The following ARHGAP42 variants were observed in gnomAD, a reference collection of about 807,000 sequenced individuals.
ARHGAP42 encodes the protein rho GTPase-activating protein 42.
A neutral mutation model predicts 125.0 loss-of-function variants in ARHGAP42; 63 were observed. The ratio of observed to expected loss-of-function variants is 0.50; its 90% CI spans 0.41 to 0.62. The LOEUF is 0.62. Ranked by LOEUF, ARHGAP42 falls within the 20% of genes least tolerant of loss-of-function variation. The pLI is 0.00. For synonymous variants in ARHGAP42, 339 were observed against 351.0 expected (o/e 0.97, Z 0.38); for missense variants, 766 against 1,024.2 (o/e 0.75, Z 3.44).
At chr11:100,833,733 C>A (rs111977925) in intron 3 of ARHGAP42, among the ~76,000 whole-genome samples, 1,853 of 152,206 alleles carry the variant, frequency 0.012, 18 homozygotes, top group Non-Finnish European at 0.019. Context: ...GTATTGCTTT[C>A]TTTGACCTAG....
intron 1 of ARHGAP42, among the ~76,000 whole-genome samples, chr11:100,725,252 C>G (rs1444904172): frequency 2.6e-5 from 4 of 151,566 alleles, no homozygotes; most frequent in African/African-American, 9.7e-5. Context: ...CTCACTGCAA[C>G]CTCTGCCTCC....
Position 100,992,790 on chromosome 11 carries a change from A to G in ARHGAP42, c.*3989A>G. On this transcript the variant is annotated 3_prime_UTR_variant, in exon 24 of 24. Coordinates refer to ENST00000298815, the MANE Select transcript of ARHGAP42 (RefSeq NM_152432.4). ...TGTTTTAAATAAAGAATCTTACATA[A>G]GAATGTTGACAACATTCACAGTAAG... The G allele has an allele frequency of 7.1e-7, 1 of 1,408,380 alleles. No individual in the cohort carries two copies. The highest frequency in any genetic ancestry group is 9.6e-7 in the Non-Finnish European group (1 of 1,038,668). 87.2% of individuals were successfully genotyped at this position (1,408,380 alleles called of 1,614,324 possible).
chr11:100,821,127 G>A (rs1337678368), intron 3 of ARHGAP42, among the ~76,000 whole-genome samples: 2 of 152,068 alleles, frequency 1.3e-5, no homozygotes, highest in Non-Finnish European at 2.9e-5. Context: ...TGGCCTGGTT[G>A]AATTGTGATG....
intron 1 of ARHGAP42, among the ~76,000 whole-genome samples, chr11:100,736,436 C>G (rs749366765): frequency 2.6e-5 from 4 of 152,142 alleles, no homozygotes; most frequent in Non-Finnish European, 4.4e-5. Context: ...TCTTGGGGCT[C>G]TGGGCACACA....
At chr11:100,972,589 C>G (rs1227595389) in intron 17 of ARHGAP42, among the ~76,000 whole-genome samples, 3 of 152,104 alleles carry the variant, frequency 2.0e-5, no homozygotes, top group Admixed American at 6.6e-5. Context: ...GGCCAATGAT[C>G]TATCCCAGGA....
At chr11:100,938,233 T>C (rs577843127) in intron 8 of ARHGAP42, among the ~76,000 whole-genome samples, 2 of 152,212 alleles carry the variant, frequency 1.3e-5, no homozygotes, top group South Asian at 4.2e-4. Flanking sequence ...TTCGCCCAGG[T>C]GAGACCCTTG....
At chr11:100,823,221 A>C (rs1864442845) in intron 3 of ARHGAP42, among the ~76,000 whole-genome samples, 1 of 152,182 alleles carries the variant, frequency 6.6e-6, no homozygotes, top group African/African-American at 2.4e-5. Context: ...AGAAGAAAGA[A>C]CTGGGAATCA....
At chr11:100,980,250 C>T (rs1412877490) in intron 22 of ARHGAP42, among the ~76,000 whole-genome samples, 1 of 152,014 alleles carries the variant, frequency 6.6e-6, no homozygotes, top group Non-Finnish European at 1.5e-5. Flanking sequence ...AAAACTAAGC[C>T]CCATGCATGT....
At chr11:100,868,768 T>C (rs555440686) in intron 4 of ARHGAP42, among the ~76,000 whole-genome samples, 9 of 152,248 alleles carry the variant, frequency 5.9e-5, no homozygotes, top group African/African-American at 2.2e-4. Context: ...AAGTATAAAC[T>C]TGGGCATTCT....
intron 1 of ARHGAP42, among the ~76,000 whole-genome samples, chr11:100,706,960 A>T (rs748769435): frequency 1.3e-5 from 2 of 152,332 alleles, no homozygotes; most frequent in African/African-American, 4.8e-5. Context: ...CTGTTTCTAC[A>T]TAATTGCCTG....
chr11:100,709,670 A>G (rs1214256486), intron 1 of ARHGAP42, among the ~76,000 whole-genome samples: 1 of 152,214 alleles, frequency 6.6e-6, no homozygotes, highest in African/African-American at 2.4e-5. Context: ...TCGCTTCTGC[A>G]TATTTTTTAT....
intron 2 of ARHGAP42, among the ~76,000 whole-genome samples, chr11:100,790,906 T>TA (rs1430432119): frequency 1.3e-5 from 2 of 152,208 alleles, no homozygotes; most frequent in Non-Finnish European, 2.9e-5. Flanking sequence ...ATAATATTGA[T>TA]AAATAAAATA....
chr11:100,806,833 GTTTGTTTATTTA>G (rs1427593673), intron 3 of ARHGAP42, among the ~76,000 whole-genome samples: 1 of 129,912 alleles, frequency 7.7e-6, no homozygotes, highest in Middle Eastern at 3.6e-3. Context: ...TTGTTTGTTT[GTTTGTTTATTTA>G]TTTATTTATT....
chr11:100,781,995 C>T (rs1376066009), intron 2 of ARHGAP42, among the ~76,000 whole-genome samples: 4 of 150,342 alleles, frequency 2.7e-5, no homozygotes, highest in Non-Finnish European at 5.9e-5. Context: ...TATTTGTCCT[C>T]CCACCCTGGA....
intron 5 of ARHGAP42, among the ~76,000 whole-genome samples, chr11:100,917,093 T>A (rs1232879195): frequency 6.6e-6 from 1 of 151,616 alleles, no homozygotes; most frequent in Non-Finnish European, 1.5e-5. Context: ...CAATTCTTAC[T>A]ATCTTCACAT....
At chr11:100,848,295 T>G (rs1865119243) in intron 3 of ARHGAP42, among the ~76,000 whole-genome samples, 1 of 152,188 alleles carries the variant, frequency 6.6e-6, no homozygotes. Flanking sequence ...AAAATATTCC[T>G]TAACTATTAA....
chr11:100,902,451 G>C (rs761187486), intron 4 of ARHGAP42, among the ~76,000 whole-genome samples: 1 of 152,160 alleles, frequency 6.6e-6, no homozygotes, highest in Non-Finnish European at 1.5e-5. Context: ...ATAAGATTGT[G>C]AATGAGTCTG....
chr11:100,717,431 A>C (rs1198299275), intron 1 of ARHGAP42, among the ~76,000 whole-genome samples: 1 of 152,052 alleles, frequency 6.6e-6, no homozygotes, highest in Non-Finnish European at 1.5e-5. Flanking sequence ...AGGTCAGGAG[A>C]TTAAGATCAT....
At chr11:100,824,995 TG>T (rs2135082721) in intron 3 of ARHGAP42, among the ~76,000 whole-genome samples, 1 of 152,306 alleles carries the variant, frequency 6.6e-6, no homozygotes, top group East Asian at 1.9e-4. Flanking sequence ...CAAAGGAGGA[TG>T]GTTAACAACA....
Sources: allele counts gnomAD v4.1 joint callset (sites outside exome capture counted in the v4.1 genomes callset), GRCh38; gene constraint gnomAD v4.1.1; transcripts MANE v1.5; gene names NCBI Gene and HGNC (gene_info 2026-07-23, HGNC 2026-07-21).